Variants in SHISA9 observed in about 807,000 individuals in gnomAD.
SHISA9 encodes the protein protein shisa-9.
A neutral mutation model predicts 38.0 loss-of-function variants in SHISA9; 13 were observed. The observed-to-expected ratio is 0.34, with a 90% confidence interval of 0.22 to 0.54. The LOEUF is 0.54. SHISA9 is among the 20% of genes least tolerant of loss of function. The pLI, the probability that SHISA9 is intolerant of heterozygous loss-of-function variation, is 0.91. For synonymous variants in SHISA9, 275 were observed against 242.0 expected (o/e 1.14, Z -1.27); for missense variants, 538 against 575.8 (o/e 0.93, Z 0.67).
chr16:13,252,228 C>A, the SHISA9 span, among the ~76,000 whole-genome samples: 7 of 152,322 alleles, frequency 4.6e-5, no homozygotes, highest in South Asian at 1.5e-3. Context: ...GGCCTCCTTG[C>A]TGTTCCTCAA....
chr16:13,002,620 C>G (rs369756641), intron 2 of SHISA9, among the ~76,000 whole-genome samples: 4 of 150,570 alleles, frequency 2.7e-5, no homozygotes, highest in Non-Finnish European at 5.9e-5. Flanking sequence ...GCAACCTCCA[C>G]CCCCTGGGCT....
intron 2 of SHISA9, among the ~76,000 whole-genome samples, chr16:13,131,259 T>G (rs923070819): frequency 2.6e-5 from 4 of 152,156 alleles, no homozygotes; most frequent in African/African-American, 7.2e-5. Flanking sequence ...GTAAAAAATA[T>G]ACATCATGAA....
intron 2 of SHISA9, among the ~76,000 whole-genome samples, chr16:12,981,252 C>T (rs942583130): frequency 6.6e-6 from 1 of 152,184 alleles, no homozygotes; most frequent in Non-Finnish European, 1.5e-5. Context: ...AACCTACAGT[C>T]GATCACTCAC....
At chr16:13,290,422 A>G in the SHISA9 span, among the ~76,000 whole-genome samples, 1 of 152,052 alleles carries the variant, frequency 6.6e-6, no homozygotes, top group South Asian at 2.1e-4. Context: ...GAGATGGCAC[A>G]CCATTGTTAA....
chr16:13,399,532 C>T, the SHISA9 span, among the ~76,000 whole-genome samples: 6 of 152,144 alleles, frequency 3.9e-5, no homozygotes, highest in African/African-American at 1.2e-4. Context: ...GCTTCAAGAC[C>T]GGTCCACTCA....
At chr16:13,039,931 C>T (rs1329438332) in intron 2 of SHISA9, among the ~76,000 whole-genome samples, 3 of 152,180 alleles carry the variant, frequency 2.0e-5, no homozygotes, top group African/African-American at 4.8e-5. Flanking sequence ...ACAGTGGTGG[C>T]TGGCATGCTT....
chr16:13,154,089 G>A (rs370519970), intron 2 of SHISA9, among the ~76,000 whole-genome samples: 12 of 152,280 alleles, frequency 7.9e-5, no homozygotes, highest in South Asian at 4.1e-4. Context: ...GGGAATTACC[G>A]TTTATTAAGC....
the SHISA9 span, among the ~76,000 whole-genome samples, chr16:13,497,803 T>C: frequency 1.3e-5 from 2 of 151,904 alleles, no homozygotes; most frequent in Non-Finnish European, 2.9e-5. Context: ...ACATAAAAGA[T>C]GCACCAGTTA....
the SHISA9 span, among the ~76,000 whole-genome samples, chr16:13,455,579 A>G: frequency 6.6e-6 from 1 of 152,238 alleles, no homozygotes; most frequent in Non-Finnish European, 1.5e-5. Context: ...GAATCCTAAT[A>G]TGCATGTGGA....
chr16:13,355,138 A>G, the SHISA9 span, among the ~76,000 whole-genome samples: 1 of 150,420 alleles, frequency 6.6e-6, no homozygotes, highest in African/African-American at 2.5e-5. Context: ...GATAGGCAAA[A>G]CAATTTGGTT....
chr16:13,451,999 A>T, the SHISA9 span, among the ~76,000 whole-genome samples: 3 of 152,204 alleles, frequency 2.0e-5, no homozygotes, highest in Non-Finnish European at 2.9e-5. Flanking sequence ...GAGATGCTGA[A>T]GGGACCCTTT....
At chr16:13,408,068 A>G in the SHISA9 span, among the ~76,000 whole-genome samples, 4 of 151,398 alleles carry the variant, frequency 2.6e-5, no homozygotes, top group Admixed American at 2.6e-4. Flanking sequence ...TACTCTGTTG[A>G]TAATTTCTTT....
At chr16:13,068,898 ATGTGTATG>A (rs1366392804) in intron 2 of SHISA9, among the ~76,000 whole-genome samples, 2 of 151,356 alleles carry the variant, frequency 1.3e-5, no homozygotes, top group Non-Finnish European at 1.5e-5. Context: ...TGTACATGGA[ATGTGTATG>A]TGTGTATGTG....
At chr16:13,372,067 G>A in the SHISA9 span, among the ~76,000 whole-genome samples, 2 of 152,200 alleles carry the variant, frequency 1.3e-5, no homozygotes, top group Non-Finnish European at 1.5e-5. Flanking sequence ...TCTTATTGGA[G>A]CTCCTACATA....
the SHISA9 span, among the ~76,000 whole-genome samples, chr16:13,473,564 G>C: frequency 1.3e-5 from 2 of 151,854 alleles, no homozygotes; most frequent in South Asian, 4.2e-4. Flanking sequence ...CAGAGTCCCT[G>C]AAATACCCAC....
intron 4 of SHISA9, among the ~76,000 whole-genome samples, chr16:13,220,056 TCAGCTACTGCCACAA>T (rs2051207974): frequency 6.6e-6 from 1 of 152,226 alleles, no homozygotes; most frequent in Admixed American, 6.5e-5. Context: ...TTTTTATCAG[TCAGCTACTGCCACAA>T]TAACACTGCG....
At chr16:13,098,337 A>G (rs572731421) in intron 2 of SHISA9, among the ~76,000 whole-genome samples, 43 of 152,302 alleles carry the variant, frequency 2.8e-4, no homozygotes, top group African/African-American at 9.9e-4. Flanking sequence ...TATTGCATCC[A>G]TAAATGCCAG....
the SHISA9 span, among the ~76,000 whole-genome samples, chr16:13,349,625 C>A: frequency 6.6e-6 from 1 of 152,218 alleles, no homozygotes; most frequent in African/African-American, 2.4e-5. Context: ...AGTTGCACAT[C>A]TTTCCACATT....
At chr16:13,339,257 C>A in the SHISA9 span, among the ~76,000 whole-genome samples, 1 of 147,688 alleles carries the variant, frequency 6.8e-6, no homozygotes, top group African/African-American at 2.5e-5. Flanking sequence ...CTATTAGGTA[C>A]TTTTTGCCAT....
Sources: gnomAD v4.1 joint callset for allele counts (sites outside exome capture counted in the v4.1 genomes callset) on GRCh38, gnomAD v4.1.1 for gene constraint, MANE v1.5 for transcripts, NCBI Gene and HGNC (gene_info 2026-07-23, HGNC 2026-07-21) for gene names.